BRINP3: variants seen among roughly 807,000 people sequenced by gnomAD.
BRINP3 encodes BMP/retinoic acid inducible neural specific 3.
In BRINP3, 19 loss-of-function variants were observed where a neutral mutation model predicts 71.0. The ratio of observed to expected loss-of-function variants is 0.27; its 90% CI spans 0.19 to 0.39. The LOEUF is 0.39. Ranked by LOEUF, BRINP3 falls within the 10% of genes least tolerant of loss-of-function variation. The probability of loss-of-function intolerance (pLI) is 1.00; values close to 1 mark genes in which losing one functional copy is unlikely to be tolerated. For missense variants in BRINP3, 959 were observed against 940.8 expected (o/e 1.02, Z -0.25); for synonymous variants, 380 against 337.7 (o/e 1.13, Z -1.37).
intron 2 of BRINP3, among the ~76,000 whole-genome samples, chr1:190,442,936 A>G (rs1045094352): frequency 3.4e-5 from 3 of 87,410 alleles, no homozygotes; most frequent in Admixed American, 1.5e-4. Context: ...TTGGCGACGG[A>G]GTTTCGCTTT....
chr1:190,227,056 G>A (rs1299815827), intron 5 of BRINP3, among the ~76,000 whole-genome samples: 3 of 151,698 alleles, frequency 2.0e-5, no homozygotes, highest in Non-Finnish European at 4.4e-5. Context: ...CATTTATTAC[G>A]ATATTTCAAA....
chr1:190,431,468 T>C (rs1013596819), intron 2 of BRINP3, among the ~76,000 whole-genome samples: 11 of 152,130 alleles, frequency 7.2e-5, no homozygotes, highest in African/African-American at 2.7e-4. Flanking sequence ...GCTGTTCTCC[T>C]GCCTCATCCT....
At chr1:190,283,187 G>T (rs1429796172) in intron 2 of BRINP3, among the ~76,000 whole-genome samples, 3 of 151,916 alleles carry the variant, frequency 2.0e-5, no homozygotes, top group African/African-American at 4.8e-5. Context: ...TCATCTTTGA[G>T]AAATTCTTGC....
chr1:190,438,335 A>T (rs945618734), intron 2 of BRINP3, among the ~76,000 whole-genome samples: 13 of 151,730 alleles, frequency 8.6e-5, no homozygotes, highest in African/African-American at 3.1e-4. Context: ...TTAGGTTTAT[A>T]TTTATTTAGA....
At chr1:190,433,825 T>C (rs946452030) in intron 2 of BRINP3, among the ~76,000 whole-genome samples, 1 of 152,286 alleles carries the variant, frequency 6.6e-6, no homozygotes, top group East Asian at 1.9e-4. Flanking sequence ...CTAATTAACA[T>C]GTTAAATTTT....
chr1:190,120,679 A>C (rs1226783877), intron 7 of BRINP3, among the ~76,000 whole-genome samples: 1 of 137,588 alleles, frequency 7.3e-6, no homozygotes, highest in African/African-American at 2.7e-5. Context: ...TTTTTTTTGT[A>C]TTTTTAGTAA....
At chr1:190,384,795 T>A (rs935085003) in intron 2 of BRINP3, among the ~76,000 whole-genome samples, 27 of 151,886 alleles carry the variant, frequency 1.8e-4, no homozygotes, top group Admixed American at 1.7e-3. Flanking sequence ...TCCAAACCAC[T>A]ATATTATAAT....
At chr1:190,447,298 A>AGT (rs972685769) in intron 2 of BRINP3, among the ~76,000 whole-genome samples, 1 of 86,562 alleles carries the variant, frequency 1.2e-5, no homozygotes, top group African/African-American at 3.4e-5. Flanking sequence ...AGTGTAAAAT[A>AGT]GTATATATAT....
intron 2 of BRINP3, among the ~76,000 whole-genome samples, chr1:190,431,817 G>T (rs1674118092): frequency 6.6e-6 from 1 of 152,036 alleles, no homozygotes. Context: ...CACTGTATTT[G>T]TTTTTCTGCC....
At chr1:190,476,251 TA>T (rs58413136) in intron 1 of BRINP3, among the ~76,000 whole-genome samples, 23 of 142,192 alleles carry the variant, frequency 1.6e-4, no homozygotes, top group Admixed American at 1.4e-4. Context: ...TCCCAGAAAT[TA>T]AAAAAAAAAA....
chr1:190,186,659 T>C (rs1250905841), intron 6 of BRINP3, among the ~76,000 whole-genome samples: 4 of 152,108 alleles, frequency 2.6e-5, no homozygotes, highest in African/African-American at 9.7e-5. Flanking sequence ...ATTTCACATT[T>C]TAATCTTTAG....
chr1:190,391,359 C>G (rs1303585901), intron 2 of BRINP3, among the ~76,000 whole-genome samples: 1 of 151,658 alleles, frequency 6.6e-6, no homozygotes, highest in African/African-American at 2.4e-5. Context: ...GCCTCATAGT[C>G]AGTAACTGAT....
At chr1:190,143,483 C>T (rs1483063196) in intron 7 of BRINP3, among the ~76,000 whole-genome samples, 1 of 152,116 alleles carries the variant, frequency 6.6e-6, no homozygotes, top group South Asian at 2.1e-4. Flanking sequence ...ATTCTCATAC[C>T]TGCAGGACCA....
chr1:190,362,285 CTTAAG>C (rs1296083057), intron 2 of BRINP3: 2 of 152,100 alleles, frequency 1.3e-5, no homozygotes, highest in Non-Finnish European at 2.9e-5. Context: ...TAAGCACGGT[CTTAAG>C]TTAATATGAC....
chr1:190,171,609 T>C (rs1307345809), intron 6 of BRINP3, among the ~76,000 whole-genome samples: 2 of 152,142 alleles, frequency 1.3e-5, no homozygotes, highest in Non-Finnish European at 2.9e-5. Flanking sequence ...GCTACTGAAG[T>C]GTTACATATA....
At chr1:190,261,185 C>A (rs1305068834) in intron 4 of BRINP3, among the ~76,000 whole-genome samples, 1 of 151,500 alleles carries the variant, frequency 6.6e-6, no homozygotes, top group Admixed American at 6.6e-5. Flanking sequence ...TCATCACCGT[C>A]AATTATATAG....
chr1:190,265,997 G>T (rs1314860448), intron 3 of BRINP3, among the ~76,000 whole-genome samples: 2 of 152,090 alleles, frequency 1.3e-5, no homozygotes, highest in Non-Finnish European at 2.9e-5. Flanking sequence ...GTTCTCAAAC[G>T]TAAAACGTAA....
intron 6 of BRINP3, among the ~76,000 whole-genome samples, chr1:190,195,285 T>C (rs1261654170): frequency 6.6e-6 from 1 of 151,948 alleles, no homozygotes; most frequent in Admixed American, 6.6e-5. Flanking sequence ...CCAATTTTTA[T>C]AATTTAAAAG....
At chr1:190,460,030 C>T (rs556707088) in intron 1 of BRINP3, among the ~76,000 whole-genome samples, 168 of 152,012 alleles carry the variant, frequency 1.1e-3, no homozygotes, top group Non-Finnish European at 1.9e-3. Flanking sequence ...ATGTCTGCAA[C>T]CATTCTCTAA....
Sources: gnomAD v4.1 joint callset for allele counts (sites outside exome capture counted in the v4.1 genomes callset) on GRCh38, gnomAD v4.1.1 for gene constraint, MANE v1.5 for transcripts, NCBI Gene and HGNC (gene_info 2026-07-23, HGNC 2026-07-21) for gene names.